Variants in SLC30A7 observed in about 807,000 individuals in gnomAD.
SLC30A7 encodes the protein solute carrier family 30 member 7.
SLC30A7 carries 35 observed loss-of-function variants against 46.0 expected under a neutral mutation model. The ratio of observed to expected loss-of-function variants is 0.76; its 90% CI spans 0.58 to 1.01. The LOEUF (loss-of-function observed/expected upper bound fraction) is 1.01. SLC30A7 is among the 50% of genes least tolerant of loss of function. SLC30A7 has a pLI of 0.00. For missense variants in SLC30A7, 464 were observed against 451.1 expected, an observed-to-expected ratio of 1.03 and a Z score of -0.26; for synonymous variants, 147 against 157.8, an observed-to-expected ratio of 0.93 and a Z score of 0.51.
At chr1:100,993,424 C>A in the SLC30A7 span, among the ~76,000 whole-genome samples, 1 of 150,690 alleles carries the variant, frequency 6.6e-6, no homozygotes, top group Non-Finnish European at 1.5e-5. Context: ...TGGTGGCGCA[C>A]GCCTGTAATC....
At chr1:100,992,097 CAAA>C in the SLC30A7 span, among the ~76,000 whole-genome samples, 5 of 120,336 alleles carry the variant, frequency 4.2e-5, no homozygotes, top group African/African-American at 3.1e-5. Flanking sequence ...GACCCTCTCT[CAAA>C]AAAAAAAAAA....
intron 6 of SLC30A7, among the ~76,000 whole-genome samples, chr1:100,916,179 T>C (rs1267333430): frequency 2.6e-5 from 4 of 151,862 alleles, no homozygotes; most frequent in East Asian, 3.9e-4. Flanking sequence ...TGTATATTCT[T>C]ATTATTTATT....
chr1:100,910,972 A>G (rs1652050465), intron 3 of SLC30A7, 91 bp from the exon 4 acceptor site: 1 of 988,180 alleles, frequency 1.0e-6, no homozygotes, highest in Admixed American at 1.9e-5. Flanking sequence ...ACCATGTAAT[A>G]TGGTTTGGAA....
intron 8 of SLC30A7, among the ~76,000 whole-genome samples, chr1:100,934,970 C>A (rs1653863150): frequency 6.6e-6 from 1 of 152,068 alleles, no homozygotes; most frequent in Admixed American, 6.5e-5. Context: ...CCACTGCACT[C>A]CAGCCTGGGT....
chr1:100,930,613 A>G (rs888971086), intron 8 of SLC30A7, among the ~76,000 whole-genome samples: 6 of 151,888 alleles, frequency 4.0e-5, no homozygotes, highest in South Asian at 2.1e-4. Flanking sequence ...GAAAGTTACC[A>G]TATGACAAAT....
chr1:100,967,512 G>T (rs754772482), intron 10 of SLC30A7, among the ~76,000 whole-genome samples: 1 of 152,126 alleles, frequency 6.6e-6, no homozygotes, highest in Non-Finnish European at 1.5e-5. Flanking sequence ...CTAACACATA[G>T]ATCTAATGAA....
At chr1:100,935,831 A>G (rs968508554) in intron 8 of SLC30A7, among the ~76,000 whole-genome samples, 1 of 152,110 alleles carries the variant, frequency 6.6e-6, no homozygotes, top group African/African-American at 2.4e-5. Flanking sequence ...TATCTGGGGG[A>G]CAATAGAAGA....
At position 100,918,140 on chromosome 1, in the gene SLC30A7, A is replaced by G. The variant is rs774360883; in HGVS notation, c.706+13A>G. On this transcript the variant is annotated intron_variant, in intron 7 of 10. Transcript: ENST00000357650. Reference sequence around the variant, plus strand: ...CAGATTTTACAAGGTATGACAAGCAATTTTTATGTTTCTTAGTTTTTTGAA... The same window carrying G: ...CAGATTTTACAAGGTATGACAAGCAGTTTTTATGTTTCTTAGTTTTTTGAA... 11 of 1,608,526 alleles carry G rather than the reference A, an allele frequency of 6.8e-6. No individual in the cohort carries two copies. The highest frequency in any genetic ancestry group is 1.3e-5 in the African/African-American group (1 of 74,728).
At chr1:100,985,430 T>C (rs1466727712), downstream of SLC30A7, among the ~76,000 whole-genome samples, 1 of 152,152 alleles carries the variant, frequency 6.6e-6, no homozygotes, top group African/African-American at 2.4e-5. Context: ...CATTCTAACG[T>C]TTATATGGAA....
intron 2 of SLC30A7, among the ~76,000 whole-genome samples, chr1:100,906,016 T>A (rs1238202189): frequency 1.3e-5 from 2 of 152,160 alleles, no homozygotes; most frequent in Non-Finnish European, 2.9e-5. Flanking sequence ...GCACACCTAT[T>A]TTTCTGTTTG....
chr1:100,918,116 A>T lies in SLC30A7; in HGVS notation c.695A>T (p.Gln232Leu). 1 of 1,612,394 alleles carries T rather than the reference A, an allele frequency of 6.2e-7. No individual in the cohort carries two copies. The highest frequency in any genetic ancestry group is 8.5e-7 in the Non-Finnish European group (1 of 1,178,862). Reference protein sequence around the residue: ...SLKETTGPSRQILQGVFLHIL... With the variant: ...SLKETTGPSRLILQGVFLHIL... ...AAAGAAACAACAGGACCCAGCAGAC[A>T]GATTTTACAAGGTATGACAAGCAAT... The change falls in exon 7 of 11, where the codon CAG becomes CTG. Residue 232 changes from glutamine (Q) to leucine (L), a missense_variant. Gln to Leu is a moderately radical substitution (Grantham distance 113). Coordinates refer to ENST00000357650, the MANE Select transcript of SLC30A7 (RefSeq NM_133496.5).
At chr1:100,984,685 T>C (rs931169176), downstream of SLC30A7, among the ~76,000 whole-genome samples, 1 of 152,144 alleles carries the variant, frequency 6.6e-6, no homozygotes, top group Non-Finnish European at 1.5e-5. Context: ...AAGATTGATA[T>C]TCTCCATTAA....
intron 8 of SLC30A7, among the ~76,000 whole-genome samples, chr1:100,954,101 A>G (rs1272808230): frequency 4.6e-5 from 7 of 152,196 alleles, no homozygotes; most frequent in Non-Finnish European, 8.8e-5. Context: ...TATATAATAC[A>G]TTCTTCAGCA....
intron 9 of SLC30A7, among the ~76,000 whole-genome samples, chr1:100,963,327 C>G (rs1655659237): frequency 6.6e-6 from 1 of 152,040 alleles, no homozygotes; most frequent in Non-Finnish European, 1.5e-5. Flanking sequence ...TGTAGGATCA[C>G]AGAGTTGAAG....
chr1:100,994,566 A>G, the SLC30A7 span, among the ~76,000 whole-genome samples: 1 of 149,508 alleles, frequency 6.7e-6, no homozygotes, highest in African/African-American at 2.5e-5. Flanking sequence ...TCACTCTGTT[A>G]CCCAGGCTGG....
Position 100,913,776 on chromosome 1 carries a change from G to A in SLC30A7, c.625G>A (p.Ala209Thr), listed in dbSNP as rs1643477588. Residue 209 changes from alanine (A) to threonine (T), a missense_variant, in exon 6 of 11, where the codon GCT (alanine) becomes ACT (threonine). Ala to Thr is a moderately conservative substitution (Grantham distance 58). Transcript: ENST00000357650. The part of the protein sequence containing the change: ...KHGAAHSHDH[A>T]HGHGHFHSHD... The stretch of plus-strand genomic sequence containing the variant: ...TGGTGCTGCACATAGCCATGATCAT[G>A]CTCATGGACATGGACACTTTCATTC... 6.2e-7 allele frequency: 1 copy of A among 1,613,712 alleles called. No homozygotes were observed. The highest frequency in any genetic ancestry group is 8.5e-7 in the Non-Finnish European group (1 of 1,179,764).
At chr1:100,908,694 G>T (rs1239658120) in intron 3 of SLC30A7, among the ~76,000 whole-genome samples, 1 of 152,036 alleles carries the variant, frequency 6.6e-6, no homozygotes, top group Non-Finnish European at 1.5e-5. Flanking sequence ...GCTACTAAAA[G>T]ATTCTTAAGT....
intron 2 of SLC30A7, among the ~76,000 whole-genome samples, chr1:100,904,598 A>C (rs1651526954): frequency 6.6e-6 from 1 of 152,110 alleles, no homozygotes; most frequent in Non-Finnish European, 1.5e-5. Context: ...ATTATGAGTA[A>C]AAAACAGTAG....
intron 8 of SLC30A7, among the ~76,000 whole-genome samples, chr1:100,925,032 T>C (rs1653202606): frequency 6.6e-6 from 1 of 152,162 alleles, no homozygotes; most frequent in South Asian, 2.1e-4. Flanking sequence ...TGCCAAATAG[T>C]TATTTGTATT....
Sources: gnomAD v4.1 joint callset for allele counts (sites outside exome capture counted in the v4.1 genomes callset) on GRCh38, gnomAD v4.1.1 for gene constraint, MANE v1.5 for transcripts, NCBI Gene and HGNC (gene_info 2026-07-23, HGNC 2026-07-21) for gene names.